Variants in ST7 observed in about 807,000 individuals in gnomAD.
The protein encoded by ST7 is suppressor of tumorigenicity 7 protein.
A neutral mutation model predicts 78.7 loss-of-function variants in ST7; 28 were observed. The observed-to-expected ratio is 0.36, with a 90% CI of 0.26 to 0.49. ST7 has a LOEUF of 0.49. Among genes scored for constraint, ST7 ranks in the 20% least tolerant of loss-of-function variants. The pLI is 0.99. For missense variants in ST7, 418 were observed against 696.0 expected (o/e 0.60, Z 4.49); for synonymous variants, 247 against 249.6 (o/e 0.99, Z 0.10).
intron 1 of ST7, among the ~76,000 whole-genome samples, chr7:117,024,125 A>T (rs1296180101): frequency 6.6e-6 from 1 of 152,116 alleles, no homozygotes; most frequent in Non-Finnish European, 1.5e-5. Context: ...ATTTAATGAT[A>T]TATTTTAAAA....
At position 116,972,717 on chromosome 7, in the gene ST7, A is replaced by C. The variant is rs886810832; in HGVS notation, c.151+19026A>C. On this transcript the variant is annotated intron_variant, in intron 1 of 15. Coordinates refer to ENST00000323984, the MANE Select transcript of ST7 (RefSeq NM_001369598.1). ...GGGCAGTGGCTGGGCGCTCCTGAGC[A>C]CAGTCCAGCTTCTCATGAACCAGCT... 14 of 922,468 alleles carry C rather than the reference A, an allele frequency of 1.5e-5. No homozygotes were observed. The African/African-American group carries it at 1.6e-4, about 11-fold the overall frequency. 57.1% of individuals were successfully genotyped at this position (922,468 alleles called of 1,614,324 possible). A position where few individuals can be genotyped will look rare whatever the true frequency, so the allele number is the denominator to read the frequency against.
At chr7:117,106,765 C>T (rs1160215338) in intron 2 of ST7, among the ~76,000 whole-genome samples, 4 of 151,730 alleles carry the variant, frequency 2.6e-5, no homozygotes, top group Non-Finnish European at 5.9e-5. Context: ...GGACTACAGG[C>T]GCCCGCCACC....
At chr7:117,137,942 G>A (rs1038616970) in intron 8 of ST7, among the ~76,000 whole-genome samples, 1 of 151,852 alleles carries the variant, frequency 6.6e-6, no homozygotes, top group Non-Finnish European at 1.5e-5. Flanking sequence ...GTGTTATATT[G>A]CCATCTAAAA....
intron 1 of ST7, among the ~76,000 whole-genome samples, chr7:116,974,103 G>A (rs1793575194): frequency 6.6e-6 from 1 of 152,154 alleles, no homozygotes; most frequent in East Asian, 1.9e-4. Context: ...AGAGGGTGAG[G>A]ACAAAGGATG....
At chr7:117,058,794 A>C (rs1798196748) in intron 1 of ST7, among the ~76,000 whole-genome samples, 1 of 152,202 alleles carries the variant, frequency 6.6e-6, no homozygotes, top group Non-Finnish European at 1.5e-5. Context: ...AAGCAACCTA[A>C]GTATCCATTG....
At chr7:117,066,505 T>C (rs186240157) in intron 1 of ST7, among the ~76,000 whole-genome samples, 1 of 152,248 alleles carries the variant, frequency 6.6e-6, no homozygotes, top group East Asian at 1.9e-4. Flanking sequence ...CTAACGCCTG[T>C]AATCCCAGCA....
chr7:117,009,324 A>ACTTT (rs1329248436), intron 1 of ST7, among the ~76,000 whole-genome samples: 1 of 126,110 alleles, frequency 7.9e-6, no homozygotes, highest in Admixed American at 8.6e-5. Context: ...ATTTTTTATG[A>ACTTT]CTTTCTTTGC....
intron 10 of ST7, among the ~76,000 whole-genome samples, chr7:117,177,048 A>C (rs1025480339): frequency 1.3e-5 from 2 of 152,190 alleles, no homozygotes; most frequent in African/African-American, 4.8e-5. Context: ...AGAAGAAAAT[A>C]ATTATCAGCA....
At chr7:117,049,186 G>T (rs1797641606) in intron 1 of ST7, among the ~76,000 whole-genome samples, 1 of 152,210 alleles carries the variant, frequency 6.6e-6, no homozygotes, top group African/African-American at 2.4e-5. Context: ...CATTTGCACT[G>T]AACAGTAGAA....
At chr7:117,158,413 C>G (rs1806870603) in intron 9 of ST7, among the ~76,000 whole-genome samples, 1 of 152,170 alleles carries the variant, frequency 6.6e-6, no homozygotes, top group Non-Finnish European at 1.5e-5. Flanking sequence ...ATTTAGATAA[C>G]CTTCCAGCCC....
At chr7:117,112,533 T>C (rs568577023) in intron 2 of ST7, 1 of 152,242 alleles carries the variant, frequency 6.6e-6, no homozygotes, top group Non-Finnish European at 1.5e-5. Flanking sequence ...TCACCTCTTA[T>C]TCAAAAGTAA....
chr7:117,054,459 G>C (rs1797960423), intron 1 of ST7, among the ~76,000 whole-genome samples: 1 of 152,212 alleles, frequency 6.6e-6, no homozygotes, highest in African/African-American at 2.4e-5. Context: ...CCCGGAGGTG[G>C]AGGTGGGTAG....
Position 116,953,654 on chromosome 7 carries a change from G to A in ST7, c.114G>A (p.Leu38=). 6.7e-7 allele frequency: 1 copy of A among 1,501,826 alleles called. No individual in the cohort carries two copies. The highest frequency in any genetic ancestry group is 1.2e-5 in the South Asian group (1 of 85,402). 93.0% of individuals were successfully genotyped at this position (1,501,826 alleles called of 1,614,324 possible). The part of the protein sequence containing the change: ...FFIVLFLVYI[L]RVPLKINDNL... ...TCGTGCTATTCCTGGTCTACATCCTGCGGGTGCCTTTGAAAATCAACGACA... is the reference window on the plus strand; with the variant it reads ...TCGTGCTATTCCTGGTCTACATCCTACGGGTGCCTTTGAAAATCAACGACA... Residue 38 remains leucine, a synonymous_variant, in exon 1 of 16, where the codon CTG becomes CTA. Coordinates refer to ENST00000323984, the MANE Select transcript of ST7 (RefSeq NM_001369598.1).
At chr7:116,990,865 TTTAAAA>T (rs1343225020) in intron 1 of ST7, among the ~76,000 whole-genome samples, 1 of 152,244 alleles carries the variant, frequency 6.6e-6, no homozygotes, top group Admixed American at 6.5e-5. Context: ...AAAAGTAGAC[TTTAAAA>T]TTAATGTAAC....
intron 1 of ST7, among the ~76,000 whole-genome samples, chr7:117,009,352 C>T (rs993946730): frequency 6.8e-6 from 1 of 147,378 alleles, no homozygotes; most frequent in African/African-American, 2.5e-5. Flanking sequence ...CCAGTGGTTC[C>T]TTTTGCCAAT....
chr7:117,108,128 A>G (rs1365103034), intron 2 of ST7, among the ~76,000 whole-genome samples: 1 of 151,046 alleles, frequency 6.6e-6, no homozygotes, highest in Non-Finnish European at 1.5e-5. Flanking sequence ...TTTTTGTTGC[A>G]CTTGCTTTTG....
At chr7:117,193,208 G>T (rs1312104112) in intron 12 of ST7, among the ~76,000 whole-genome samples, 2 of 150,982 alleles carry the variant, frequency 1.3e-5, no homozygotes, top group African/African-American at 4.9e-5. Context: ...GTGAATAATA[G>T]TCTTAGTTCT....
intron 7 of ST7, among the ~76,000 whole-genome samples, chr7:117,134,724 C>A (rs1189453054): frequency 6.6e-6 from 1 of 152,022 alleles, no homozygotes; most frequent in African/African-American, 2.4e-5. Context: ...CAGTTATTTT[C>A]TCCAGTGAAT....
chr7:117,130,465 C>CTA, intron 4 of ST7, 26 bp from the exon 5 acceptor site: 1 of 1,545,892 alleles, frequency 6.5e-7, no homozygotes, highest in Non-Finnish European at 8.9e-7. Context: ...TCAAAAGTGT[C>CTA]TAATCATCTT....
Sources: allele counts gnomAD v4.1 joint callset (sites outside exome capture counted in the v4.1 genomes callset), GRCh38; gene constraint gnomAD v4.1.1; transcripts MANE v1.5; gene names NCBI Gene and HGNC (gene_info 2026-07-23, HGNC 2026-07-21).